The following MSRA variants were observed in gnomAD, a reference collection of about 807,000 sequenced individuals.
The protein encoded by MSRA is mitochondrial peptide methionine sulfoxide reductase.
A neutral mutation model predicts 31.3 loss-of-function variants in MSRA; 54 were observed. The observed-to-expected ratio is 1.73, with a 90% CI of 1.39 to 2.17. The LOEUF is 2.17. MSRA is among the 30% of genes most tolerant of loss of function. The probability of loss-of-function intolerance (pLI) is 0.00; values close to 1 mark genes in which losing one functional copy is unlikely to be tolerated. For synonymous variants in MSRA, 169 were observed against 116.5 expected, an observed-to-expected ratio of 1.45 and a Z score of -2.90; for missense variants, 507 against 300.9, an observed-to-expected ratio of 1.69 and a Z score of -5.07.
chr8:10,427,759 A>T (rs1321632951), intron 5 of MSRA, among the ~76,000 whole-genome samples: 6 of 152,146 alleles, frequency 3.9e-5, no homozygotes, highest in Admixed American at 1.3e-4. Flanking sequence ...AGGGACATCC[A>T]TTTACCCTCG....
At chr8:10,238,421 G>C (rs564646194) in intron 2 of MSRA, among the ~76,000 whole-genome samples, 1 of 152,210 alleles carries the variant, frequency 6.6e-6, no homozygotes, top group African/African-American at 2.4e-5. Flanking sequence ...TTTCCCACTA[G>C]AGTATACACA....
At chr8:10,235,819 A>G (rs1361182978) in intron 2 of MSRA, among the ~76,000 whole-genome samples, 1 of 152,206 alleles carries the variant, frequency 6.6e-6, no homozygotes, top group Non-Finnish European at 1.5e-5. Flanking sequence ...TGAGGCCAGT[A>G]TAACCTTGAT....
intron 1 of MSRA, among the ~76,000 whole-genome samples, chr8:10,201,835 C>T (rs1196584543): frequency 2.6e-5 from 4 of 152,254 alleles, no homozygotes; most frequent in South Asian, 4.1e-4. Context: ...TTCTTGTCCT[C>T]ATATCTTCTT....
intron 1 of MSRA, among the ~76,000 whole-genome samples, chr8:10,151,712 G>C (rs1371973350): frequency 2.0e-5 from 3 of 152,096 alleles, no homozygotes; most frequent in Non-Finnish European, 2.9e-5. Flanking sequence ...GCTTGGGTTG[G>C]GTCAAGGCAC....
chr8:10,209,876 C>T (rs1400412658), intron 2 of MSRA, among the ~76,000 whole-genome samples: 1 of 152,208 alleles, frequency 6.6e-6, no homozygotes, highest in Non-Finnish European at 1.5e-5. Flanking sequence ...ATATAAGAAG[C>T]AGAATTCTAC....
chr8:10,239,006 A>G (rs1812179960), intron 2 of MSRA, among the ~76,000 whole-genome samples: 1 of 152,200 alleles, frequency 6.6e-6, no homozygotes, highest in Non-Finnish European at 1.5e-5. Flanking sequence ...ACTGGCAAAA[A>G]ATAGCATTCA....
chr8:10,371,587 C>T (rs1234358832), intron 5 of MSRA, among the ~76,000 whole-genome samples: 1 of 152,126 alleles, frequency 6.6e-6, no homozygotes, highest in Admixed American at 6.5e-5. Context: ...CAAGCAGAGA[C>T]AGTGTTTGGA....
At position 10,424,569 on chromosome 8, in the gene MSRA, G is replaced by T. The variant is rs549626117; in HGVS notation, c.544-3579G>T. ...AAGGACTCGGGATAGAGTGGGATTC[G>T]GGAGAAGGGCCTGGGGTGGAGAGGG... On this transcript the variant is annotated intron_variant, in intron 5 of 5. Transcript: ENST00000317173. Among the ~76,000 whole-genome samples the T allele has an allele frequency of 2.0e-5, 3 of 151,794 alleles. No individual in the cohort carries two copies. The South Asian group carries it at 6.3e-4, about 32-fold the overall frequency.
Position 10,064,748 on chromosome 8 carries a change from T to C in MSRA, c.142+10090T>C, listed in dbSNP as rs1418942913. Among the ~76,000 whole-genome samples, 4 of 152,318 alleles carry C rather than the reference T, an allele frequency of 2.6e-5. No individual in the cohort carries two copies. The East Asian group carries it at 5.8e-4, about 22-fold the overall frequency. On this transcript the variant is annotated intron_variant, in intron 1 of 5. Transcript: ENST00000317173. ...AGTTTACCATTAGGTATTTTATACTTTGCATAGGTCAAAAGTCATGTGTAA... is the reference window on the plus strand; with the variant it reads ...AGTTTACCATTAGGTATTTTATACTCTGCATAGGTCAAAAGTCATGTGTAA...
At chr8:10,083,674 T>C (rs1798403823) in intron 1 of MSRA, among the ~76,000 whole-genome samples, 1 of 152,220 alleles carries the variant, frequency 6.6e-6, no homozygotes, top group Admixed American at 6.5e-5. Context: ...GGAAATTTTA[T>C]TCAAAGAGGT....
intron 1 of MSRA, among the ~76,000 whole-genome samples, chr8:10,189,912 A>G (rs1481480316): frequency 6.6e-6 from 1 of 152,102 alleles, no homozygotes; most frequent in East Asian, 1.9e-4. Context: ...TCTTGCTTGA[A>G]TGTATCTAGA....
intron 1 of MSRA, among the ~76,000 whole-genome samples, chr8:10,128,748 T>G (rs1279568499): frequency 2.0e-5 from 3 of 152,222 alleles, no homozygotes; most frequent in African/African-American, 7.2e-5. Context: ...TGCTTAAAAC[T>G]TCTTTTCTAT....
At chr8:10,279,031 A>C (rs1483524718) in intron 3 of MSRA, among the ~76,000 whole-genome samples, 1 of 152,172 alleles carries the variant, frequency 6.6e-6, no homozygotes. Context: ...TATTTTTACA[A>C]AGGTCATTTA....
chr8:10,256,746 G>T (rs1361223700), intron 3 of MSRA, among the ~76,000 whole-genome samples: 1 of 152,078 alleles, frequency 6.6e-6, no homozygotes, highest in African/African-American at 2.4e-5. Flanking sequence ...TTTCTGTGGG[G>T]CAGAGATACA....
At chr8:10,411,657 G>C (rs1180916421) in intron 5 of MSRA, 1 of 152,224 alleles carries the variant, frequency 6.6e-6, no homozygotes, top group Non-Finnish European at 1.5e-5. Context: ...AGTCTCAAGG[G>C]AGCTTTTAAT....
intron 1 of MSRA, among the ~76,000 whole-genome samples, chr8:10,063,466 G>A (rs553731451): frequency 6.6e-6 from 1 of 152,106 alleles, no homozygotes; most frequent in Non-Finnish European, 1.5e-5. Flanking sequence ...CTTCCACCCC[G>A]AGGCTGGCTC....
chr8:10,187,547 A>G (rs1217108611), intron 1 of MSRA, among the ~76,000 whole-genome samples: 1 of 152,188 alleles, frequency 6.6e-6, no homozygotes, highest in Non-Finnish European at 1.5e-5. Context: ...GGCAACATTG[A>G]CTTAATACAT....
intron 2 of MSRA, among the ~76,000 whole-genome samples, chr8:10,213,569 T>G (rs540105017): frequency 1.5e-3 from 229 of 151,538 alleles, no homozygotes; most frequent in African/African-American, 5.3e-3. Flanking sequence ...CCCGAGTAGC[T>G]GGGATGACAG....
At chr8:10,095,889 G>A in intron 1 of MSRA, 1 of 1,291,928 alleles carries the variant, frequency 7.7e-7, no homozygotes, top group Non-Finnish European at 9.9e-7. Context: ...TTGCATGTAT[G>A]ATTATACCAT....
Sources: gnomAD v4.1 joint callset for allele counts (sites outside exome capture counted in the v4.1 genomes callset) on GRCh38, gnomAD v4.1.1 for gene constraint, MANE v1.5 for transcripts, NCBI Gene and HGNC (gene_info 2026-07-23, HGNC 2026-07-21) for gene names.